The following MFSD6 variants were observed in gnomAD, a reference collection of about 807,000 sequenced individuals.
MFSD6 encodes major facilitator superfamily domain containing 6.
MFSD6 carries 26 observed loss-of-function variants against 56.3 expected under a neutral mutation model. That is an observed-to-expected ratio of 0.46 (90% CI 0.34 to 0.64). The LOEUF (loss-of-function observed/expected upper bound fraction) is 0.64, where lower values mean the gene tolerates loss of function less well. MFSD6 is among the 30% of genes least tolerant of loss of function. The pLI is 0.01. For synonymous variants in MFSD6, 331 were observed against 366.9 expected (o/e 0.90, Z 1.12); for missense variants, 750 against 986.2 (o/e 0.76, Z 3.21).
rs1687774450 is a variant in MFSD6 at position 190,469,216 on chromosome 2, GTAGT to G, written c.1533-537_1533-534del. On this transcript the variant is annotated intron_variant, in intron 3 of 7. Transcript: ENST00000392328. This position sits in a 1 kb window ranked among gnomAD's most constrained non-coding sequence, Gnocchi z 5.3. ...CTATTTGATTTCCAAATAGTTTATA[GTAGT>G]TAGTGAATGATAGTTTTCAATGACC... Among the ~76,000 whole-genome samples, 1 of 152,298 alleles carries G rather than the reference GTAGT, an allele frequency of 6.6e-6. No individual in the cohort carries two copies. The highest frequency in any genetic ancestry group is 2.4e-5 in the African/African-American group (1 of 41,564).
Position 190,492,183 on chromosome 2 carries a change from ATT to A in MFSD6, c.1891+2318_1891+2319del, listed in dbSNP as rs1308609180. Among the ~76,000 whole-genome samples, 1 of 152,208 alleles carries A rather than the reference ATT, an allele frequency of 6.6e-6. No homozygotes were observed. Among genetic ancestry groups the A allele is most frequent in the Non-Finnish European group, 1.5e-5 (1 of 68,038 alleles). On this transcript the variant is annotated intron_variant, in intron 6 of 7. Coordinates refer to ENST00000392328, the MANE Select transcript of MFSD6 (RefSeq NM_017694.4). The surrounding 1 kb of genome is among the most constrained non-coding windows in gnomAD (Gnocchi z 5.2). ...TGTTAAATAAACAAACCTAAGAATA[ATT>A]GGAGTTCCTGAGGAAGAAGATACAT... is the stretch of plus-strand genomic sequence containing the variant.
intron 1 of MFSD6, among the ~76,000 whole-genome samples, chr2:190,414,168 T>C (rs1357260825): frequency 1.3e-5 from 2 of 152,030 alleles, no homozygotes; most frequent in African/African-American, 4.8e-5. Flanking sequence ...AACTAATGCA[T>C]GTGGGGCTTA....
At chr2:190,427,965 C>T (rs905104391) in intron 2 of MFSD6, among the ~76,000 whole-genome samples, 8 of 152,198 alleles carry the variant, frequency 5.3e-5, no homozygotes, top group African/African-American at 1.9e-4. Flanking sequence ...CTCCTGACCT[C>T]AGGTGATCCA....
intron 3 of MFSD6, among the ~76,000 whole-genome samples, chr2:190,444,407 A>C (rs2125069526): frequency 6.6e-6 from 1 of 152,360 alleles, no homozygotes; most frequent in Non-Finnish European, 1.5e-5. Flanking sequence ...CCACAACATC[A>C]GTTCTACTGT....
At chr2:190,481,806 T>C (rs1474874776) in intron 4 of MFSD6, among the ~76,000 whole-genome samples, 1 of 152,202 alleles carries the variant, frequency 6.6e-6, no homozygotes, top group Non-Finnish European at 1.5e-5. Context: ...ATAAACTTTC[T>C]TTCGTGCAGC....
chr2:190,453,677 T>C (rs767234026), intron 3 of MFSD6, among the ~76,000 whole-genome samples: 1 of 152,220 alleles, frequency 6.6e-6, no homozygotes, highest in Non-Finnish European at 1.5e-5. Flanking sequence ...ATTCTTTTAA[T>C]GTTACTCACT....
At chr2:190,470,972 T>C (rs888171667) in intron 4 of MFSD6, among the ~76,000 whole-genome samples, 1 of 152,148 alleles carries the variant, frequency 6.6e-6, no homozygotes, top group Non-Finnish European at 1.5e-5. Flanking sequence ...AAAAGGAGAT[T>C]CTGTTTACAA....
At chr2:190,411,944 A>G (rs116610372) in intron 1 of MFSD6, 32,710 of 985,356 alleles carry the variant, frequency 0.033, 597 homozygotes, top group Middle Eastern at 0.048. Flanking sequence ...TCTGTACAGA[A>G]CAATCTGGTA....
intron 2 of MFSD6, among the ~76,000 whole-genome samples, chr2:190,419,646 C>T (rs1410704063): frequency 1.3e-5 from 2 of 152,224 alleles, no homozygotes; most frequent in Admixed American, 6.5e-5. Flanking sequence ...TTTCTTTCTT[C>T]AAAAGTTGAA....
chr2:190,446,977 G>A (rs1686606988), intron 3 of MFSD6, among the ~76,000 whole-genome samples: 1 of 152,104 alleles, frequency 6.6e-6, no homozygotes, highest in Non-Finnish European at 1.5e-5. Context: ...TGCTGGGACA[G>A]GTCACAAGCC....
intron 2 of MFSD6, among the ~76,000 whole-genome samples, chr2:190,422,196 T>C (rs1685642119): frequency 6.6e-6 from 1 of 152,210 alleles, no homozygotes. Flanking sequence ...TCACCAGCCA[T>C]CTAAATTTCC....
At position 190,499,356 on chromosome 2, in the gene MFSD6, A is replaced by AT. The variant is rs201202844; in HGVS notation, c.2173-650dup. 1.4e-3 allele frequency among the ~76,000 whole-genome samples: 205 copies of AT among 151,768 alleles called. 1 individual carries two copies. The highest frequency in any genetic ancestry group is 4.4e-3 in the African/African-American group (183 of 41,404). On this transcript the variant is annotated intron_variant, in intron 7 of 7. Transcript: ENST00000392328. This position sits in a 1 kb window ranked among gnomAD's most constrained non-coding sequence, Gnocchi z 6.0. ...CTAATTTGGGGGAGAATCCATTTAA[A>AT]TTTTTTTTTATTTGTACAACCAATA...
At chr2:190,441,526 G>C (rs1425298960) in intron 3 of MFSD6, among the ~76,000 whole-genome samples, 1 of 152,038 alleles carries the variant, frequency 6.6e-6, no homozygotes, top group Non-Finnish European at 1.5e-5. Context: ...TCTCTTTCCA[G>C]CTCATGCAGC....
At position 190,450,488 on chromosome 2, in the gene MFSD6, C is replaced by CTTTTTTTTTTTT. The variant is rs10665730; in HGVS notation, c.1532+12937_1532+12948dup. Reference sequence around the variant, plus strand: ...CTAACTTTTTCTTTTTCTCTTTTTCCTTTTTTTTTTTTTTTTTTTTTGAGA... The same window carrying CTTTTTTTTTTTT: ...CTAACTTTTTCTTTTTCTCTTTTTCCTTTTTTTTTTTTTTTTTTTTTTTTTTTTTTTTTGAGA... On this transcript the variant is annotated intron_variant, in intron 3 of 7. Coordinates refer to ENST00000392328, the MANE Select transcript of MFSD6 (RefSeq NM_017694.4). Among the ~76,000 whole-genome samples the CTTTTTTTTTTTT allele has an allele frequency of 2.6e-4, 25 of 97,246 alleles. 1 individual carries two copies. Among genetic ancestry groups the CTTTTTTTTTTTT allele is most frequent in the Non-Finnish European group, 4.3e-4 (23 of 53,238 alleles). The allele number at this position is 97,246 out of a possible 152,430, so 63.8% of individuals were successfully genotyped here.
chr2:190,424,613 C>A lies in MFSD6; in HGVS notation c.-54+9200C>A, dbSNP rs568823496. 6.6e-6 allele frequency among the ~76,000 whole-genome samples: 1 copy of A among 152,108 alleles called. No homozygotes were observed. The highest frequency in any genetic ancestry group is 2.1e-4 in the South Asian group (1 of 4,830). The stretch of plus-strand genomic sequence containing the variant: ...GCCACCAAAGTGCTGGGATTACAGG[C>A]GTGAGCCACTGCGCCTGGCCGAGTT... On this transcript the variant is annotated intron_variant, in intron 2 of 7. Coordinates refer to ENST00000392328, the MANE Select transcript of MFSD6 (RefSeq NM_017694.4). This position sits in a 1 kb window ranked among gnomAD's most constrained non-coding sequence, Gnocchi z 5.9.
At position 190,487,685 on chromosome 2, in the gene MFSD6, A is replaced by G. The variant is rs1689090328; in HGVS notation, c.1631-972A>G. Among the ~76,000 whole-genome samples the G allele has an allele frequency of 6.6e-6, 1 of 152,212 alleles. No homozygotes were observed. Among genetic ancestry groups the G allele is most frequent in the Non-Finnish European group, 1.5e-5 (1 of 68,032 alleles). ...ACTAGCTATTAGGGGAAAGCAAATCAACAACATGAGAAACTGCTTCACATT... is the reference window on the plus strand; with the variant it reads ...ACTAGCTATTAGGGGAAAGCAAATCGACAACATGAGAAACTGCTTCACATT... On this transcript the variant is annotated intron_variant, in intron 4 of 7. Coordinates refer to ENST00000392328, the MANE Select transcript of MFSD6 (RefSeq NM_017694.4). The surrounding 1 kb of genome is among the most constrained non-coding windows in gnomAD (Gnocchi z 5.5).
intron 2 of MFSD6, among the ~76,000 whole-genome samples, chr2:190,430,154 T>C (rs927380708): frequency 2.0e-5 from 3 of 152,056 alleles, no homozygotes; most frequent in Non-Finnish European, 2.9e-5. Context: ...GCTTCATCCA[T>C]GTCCCTGCAA....
intron 4 of MFSD6, among the ~76,000 whole-genome samples, chr2:190,481,874 C>T (rs554874839): frequency 1.1e-4 from 16 of 152,312 alleles, no homozygotes; most frequent in African/African-American, 1.7e-4. Flanking sequence ...TAGGATCCTC[C>T]GCCATTTGTG....
rs541146574 is a variant in MFSD6 at position 190,475,432 on chromosome 2, C to T, written c.1630+5577C>T. ...CTTATATACCAGTAACAGCCAAACA[C>T]CCAAATCATGAGTGAACTCCCATTC... On this transcript the variant is annotated intron_variant, in intron 4 of 7. Transcript: ENST00000392328. Among the ~76,000 whole-genome samples, 6 of 148,796 alleles carry T rather than the reference C, an allele frequency of 4.0e-5. No individual in the cohort carries two copies. In the South Asian group the frequency reaches 1.3e-3, roughly 31 times the overall value.
Sources: gnomAD v4.1 joint callset for allele counts (sites outside exome capture counted in the v4.1 genomes callset) on GRCh38, gnomAD v4.1.1 for gene constraint, Gnocchi (gnomAD v3.1) non-coding constraint, MANE v1.5 for transcripts, NCBI Gene and HGNC (gene_info 2026-07-23, HGNC 2026-07-21) for gene names.